The following OR56A3 variants were observed in gnomAD, a reference collection of about 807,000 sequenced individuals.
OR56A3 encodes the protein olfactory receptor 56A3.
A neutral mutation model predicts 17.5 loss-of-function variants in OR56A3; 23 were observed. The observed-to-expected ratio is 1.32, with a 90% CI of 0.95 to 1.87. OR56A3 has a LOEUF of 1.87. Among genes scored for constraint, OR56A3 ranks in the 40% most tolerant of loss-of-function variants. The pLI, the probability that OR56A3 is intolerant of heterozygous loss-of-function variation, is 0.00. For synonymous variants in OR56A3, 175 were observed against 150.6 expected, an observed-to-expected ratio of 1.16 and a Z score of -1.19; for missense variants, 366 against 380.1, an observed-to-expected ratio of 0.96 and a Z score of 0.31.
chr11:5,975,622 C>G, the OR56A3 span, among the ~76,000 whole-genome samples: 1 of 152,020 alleles, frequency 6.6e-6, no homozygotes, highest in African/African-American at 2.4e-5. Context: ...GGACATTTGG[C>G]TTGATTCCAA....
At chr11:5,980,838 A>G in the OR56A3 span, among the ~76,000 whole-genome samples, 1 of 152,020 alleles carries the variant, frequency 6.6e-6, no homozygotes, top group Non-Finnish European at 1.5e-5. Context: ...CATGCTTAGC[A>G]CTTCTAAGGC....
chr11:5,972,476 A>T, the OR56A3 span, among the ~76,000 whole-genome samples: 1 of 152,164 alleles, frequency 6.6e-6, no homozygotes, highest in East Asian at 1.9e-4. Flanking sequence ...CACAGAGGAT[A>T]CAACAGATTA....
chr11:5,947,771 A>G lies in OR56A3; in HGVS notation c.425A>G (p.Asp142Gly). 1 of 1,614,174 alleles carries G rather than the reference A, an allele frequency of 6.2e-7. No homozygotes were observed. Among genetic ancestry groups the G allele is most frequent in the Non-Finnish European group, 8.5e-7 (1 of 1,180,026 alleles). The change falls in exon 3 of 3, where the codon GAT (aspartate) becomes GGT (glycine). Residue 142 changes from aspartate to glycine, a missense_variant. Coordinates refer to ENST00000641160, the MANE Select transcript of OR56A3 (RefSeq NM_001003443.3). ...CTGAGATATCCATCAATCATCACTG[A>G]TCACTTTGTAGTCAAGGCTGCCATG... Reference protein sequence around the residue: ...HPLRYPSIITDHFVVKAAMFI... With the variant: ...HPLRYPSIITGHFVVKAAMFI...
At chr11:5,959,668 A>G in the OR56A3 span, among the ~76,000 whole-genome samples, 1 of 152,122 alleles carries the variant, frequency 6.6e-6, no homozygotes, top group African/African-American at 2.4e-5. Context: ...AAAACTTTTT[A>G]GTTTAGTAAT....
downstream of OR56A3, among the ~76,000 whole-genome samples, chr11:5,954,626 C>A (rs1289846358): frequency 1.3e-5 from 2 of 152,014 alleles, no homozygotes; most frequent in South Asian, 2.1e-4. Flanking sequence ...AATATTTTTG[C>A]AAGAATATTA....
chr11:6,010,057 A>C, the OR56A3 span, among the ~76,000 whole-genome samples: 4 of 90,870 alleles, frequency 4.4e-5, no homozygotes, highest in Non-Finnish European at 6.9e-5. Flanking sequence ...TCTAGAAGTC[A>C]TAGGTGTTTT....
chr11:5,988,835 G>A, the OR56A3 span, among the ~76,000 whole-genome samples: 15 of 152,338 alleles, frequency 9.8e-5, no homozygotes, highest in Non-Finnish European at 1.9e-4. Context: ...CTTGAAACTG[G>A]ATATGTGTAT....
the OR56A3 span, chr11:5,968,229 C>T: frequency 5.0e-6 from 8 of 1,614,000 alleles, no homozygotes; most frequent in African/African-American, 1.3e-5. Context: ...GAGGTCAAAC[C>T]AGAAGATGGC....
At chr11:5,963,803 C>G in the OR56A3 span, among the ~76,000 whole-genome samples, 1 of 152,094 alleles carries the variant, frequency 6.6e-6, no homozygotes, top group Non-Finnish European at 1.5e-5. Flanking sequence ...TTATCTTTCT[C>G]TACTCACTCT....
At chr11:5,947,261 A>G (rs1590445578) in intron 2 of OR56A3, 50 bp from the exon 3 acceptor site, 2 of 1,232,580 alleles carry the variant, frequency 1.6e-6, no homozygotes, top group East Asian at 5.0e-5. Context: ...AAATTGTGCT[A>G]TCTTTGTGTA....
chr11:5,964,761 ATTG>A, the OR56A3 span, among the ~76,000 whole-genome samples: 1 of 152,310 alleles, frequency 6.6e-6, no homozygotes, highest in East Asian at 1.9e-4. Context: ...GTTTACAGAT[ATTG>A]GCATGTAGGT....
At chr11:5,967,623 T>A in the OR56A3 span, 1 of 1,613,768 alleles carries the variant, frequency 6.2e-7, no homozygotes, top group African/African-American at 1.3e-5. Context: ...AACAATGGGG[T>A]TCAGAGCTGG....
the OR56A3 span, chr11:5,999,845 C>T: frequency 6.6e-6 from 1 of 152,104 alleles, no homozygotes; most frequent in Non-Finnish European, 1.5e-5. Context: ...ATGACAGTGT[C>T]AGAGAAAGAA....
chr11:5,983,112 T>C, the OR56A3 span, among the ~76,000 whole-genome samples: 1 of 152,196 alleles, frequency 6.6e-6, no homozygotes, highest in South Asian at 2.1e-4. Flanking sequence ...CTCATCACTA[T>C]GAATACCTTA....
the OR56A3 span, among the ~76,000 whole-genome samples, chr11:6,009,464 T>C: frequency 3.9e-5 from 6 of 152,204 alleles, no homozygotes; most frequent in African/African-American, 1.4e-4. Flanking sequence ...AATCTGATTA[T>C]TGACAAGTAT....
the OR56A3 span, among the ~76,000 whole-genome samples, chr11:5,995,637 A>G: frequency 0.01 from 1,539 of 152,272 alleles, 12 homozygotes; most frequent in Middle Eastern, 0.017. Flanking sequence ...TCATGTGTTT[A>G]TTGTGTACAA....
At chr11:5,982,758 T>G in the OR56A3 span, among the ~76,000 whole-genome samples, 1 of 151,950 alleles carries the variant, frequency 6.6e-6, no homozygotes, top group Non-Finnish European at 1.5e-5. Context: ...TCCAAACACT[T>G]CTCCCTGATA....
At chr11:6,009,933 G>A in the OR56A3 span, among the ~76,000 whole-genome samples, 1 of 151,512 alleles carries the variant, frequency 6.6e-6, no homozygotes, top group African/African-American at 2.4e-5. Context: ...GTTTCAAATT[G>A]TATTGGTTTC....
At chr11:5,994,378 T>G in the OR56A3 span, 1 of 710,274 alleles carries the variant, frequency 1.4e-6, no homozygotes, top group Non-Finnish European at 2.6e-6. Context: ...AGCTTCTCTC[T>G]GTTCTTCCCA....
Sources: gnomAD v4.1 joint callset for allele counts (sites outside exome capture counted in the v4.1 genomes callset) on GRCh38, gnomAD v4.1.1 for gene constraint, MANE v1.5 for transcripts, NCBI Gene and HGNC (gene_info 2026-07-23, HGNC 2026-07-21) for gene names.